The following ARHGAP22 variants were observed in gnomAD, a reference collection of about 807,000 sequenced individuals.
ARHGAP22 encodes the protein Rho GTPase activating protein 22, also known as rho GTPase-activating protein 22.
In ARHGAP22, 48 loss-of-function variants were observed where a neutral mutation model predicts 59.1. The ratio of observed to expected loss-of-function variants is 0.81; its 90% CI spans 0.64 to 1.03. The LOEUF (loss-of-function observed/expected upper bound fraction) is 1.03. Among genes scored for constraint, ARHGAP22 ranks in the 50% least tolerant of loss-of-function variants. ARHGAP22 has a pLI of 0.00. For missense variants in ARHGAP22, 1,015 were observed against 958.7 expected, an observed-to-expected ratio of 1.06 and a Z score of -0.78; for synonymous variants, 445 against 416.4, an observed-to-expected ratio of 1.07 and a Z score of -0.84.
At position 48,549,533 on chromosome 10, in the gene ARHGAP22, T is replaced by A. The variant is rs368362316; in HGVS notation, c.322+5930A>T. Reference sequence around the variant, plus strand: ...GGGGAACGCCTCTTTCCCGACCCTGTCCACATCAATTATCTGGGGTGGGAG... The same window carrying A: ...GGGGAACGCCTCTTTCCCGACCCTGACCACATCAATTATCTGGGGTGGGAG... On this transcript the variant is annotated intron_variant, in intron 3 of 9. Coordinates refer to ENST00000249601, the MANE Select transcript of ARHGAP22 (RefSeq NM_021226.4). 2.4e-4 allele frequency among the ~76,000 whole-genome samples: 37 copies of A among 152,246 alleles called. 1 individual carries two copies. In the South Asian group the frequency reaches 7.3e-3, roughly 30 times the overall value.
chr10:48,459,429 G>A (rs906209067), intron 5 of ARHGAP22, among the ~76,000 whole-genome samples: 15 of 152,336 alleles, frequency 9.8e-5, no homozygotes, highest in Admixed American at 2.0e-4. Context: ...TCCTGCCTGG[G>A]TCAGGTTTAT....
At chr10:48,589,550 C>T (rs2059628967) in intron 1 of ARHGAP22, among the ~76,000 whole-genome samples, 1 of 152,154 alleles carries the variant, frequency 6.6e-6, no homozygotes, top group Non-Finnish European at 1.5e-5. Flanking sequence ...ATGTCTCTCC[C>T]CAACCCACTT....
chr10:48,542,855 A>G (rs1172983349), intron 3 of ARHGAP22, among the ~76,000 whole-genome samples: 1 of 152,142 alleles, frequency 6.6e-6, no homozygotes, highest in African/African-American at 2.4e-5. Flanking sequence ...CTGTCGGAAG[A>G]GGAGCTGCCT....
chr10:48,654,606 T>C (rs1328714527), upstream of ARHGAP22, among the ~76,000 whole-genome samples: 3 of 151,736 alleles, frequency 2.0e-5, no homozygotes, highest in Non-Finnish European at 2.9e-5. Context: ...GGAGAAGGGG[T>C]TCAAAATACA....
intron 3 of ARHGAP22, among the ~76,000 whole-genome samples, chr10:48,480,599 C>G (rs571549365): frequency 5.9e-5 from 9 of 152,286 alleles, no homozygotes; most frequent in African/African-American, 7.2e-5. Context: ...TTTGCTGGAG[C>G]CTGTGACCCA....
exon 1 of ARHGAP22, chr10:48,652,466 G>T (rs768977458): frequency 6.5e-6 from 4 of 619,558 alleles, no homozygotes; most frequent in Admixed American, 2.9e-5. Context: ...AAGAAGCCTC[G>T]CTGTGAAGAA....
At chr10:48,580,740 G>A (rs2059060090) in intron 2 of ARHGAP22, among the ~76,000 whole-genome samples, 2 of 152,144 alleles carry the variant, frequency 1.3e-5, no homozygotes, top group Admixed American at 1.3e-4. Context: ...GTGGTGCCTA[G>A]CCTAGGAGTG....
intron 1 of ARHGAP22, among the ~76,000 whole-genome samples, chr10:48,645,840 G>A (rs1422548348): frequency 3.9e-5 from 6 of 152,064 alleles, no homozygotes; most frequent in Non-Finnish European, 7.4e-5. Context: ...AAAGAGGGTC[G>A]GGAGAGGGAA....
intron 3 of ARHGAP22, among the ~76,000 whole-genome samples, chr10:48,522,260 G>A (rs1302073288): frequency 6.6e-6 from 1 of 152,212 alleles, no homozygotes; most frequent in South Asian, 2.1e-4. Flanking sequence ...GAACCTTGTA[G>A]GCACTTCAGA....
chr10:48,638,045 G>T (rs749713798), intron 1 of ARHGAP22, among the ~76,000 whole-genome samples: 2 of 152,030 alleles, frequency 1.3e-5, no homozygotes, highest in Admixed American at 6.6e-5. Context: ...CCCTGCTCTG[G>T]TCTCTTCTCC....
At chr10:48,449,137 GTA>G in intron 9 of ARHGAP22, among the ~76,000 whole-genome samples, 1 of 152,328 alleles carries the variant, frequency 6.6e-6, no homozygotes, top group African/African-American at 2.4e-5. Flanking sequence ...CTTCTGTATG[GTA>G]AGAGTTCCCA....
At chr10:48,639,747 A>G (rs1447245554) in intron 1 of ARHGAP22, among the ~76,000 whole-genome samples, 1 of 152,238 alleles carries the variant, frequency 6.6e-6, no homozygotes, top group Non-Finnish European at 1.5e-5. Context: ...ATGTGAGAAA[A>G]TCAGAATTCA....
chr10:48,582,534 A>G (rs10745278), intron 2 of ARHGAP22, among the ~76,000 whole-genome samples: 149,402 of 152,240 alleles, frequency 0.98, 73,367 homozygotes, highest in Middle Eastern at 1. Flanking sequence ...AACCCTATGC[A>G]GGATGGGTGC....
intron 1 of ARHGAP22, among the ~76,000 whole-genome samples, chr10:48,617,617 A>C (rs914471779): frequency 5.9e-5 from 9 of 152,018 alleles, no homozygotes; most frequent in African/African-American, 2.2e-4. Flanking sequence ...GGATTGATAA[A>C]GACATTTAAA....
chr10:48,648,849 G>A (rs375062840), intron 1 of ARHGAP22, among the ~76,000 whole-genome samples: 100 of 152,320 alleles, frequency 6.6e-4, no homozygotes, highest in African/African-American at 2.3e-3. Context: ...GCAGGCAGCC[G>A]ACAGAGGTAA....
the ARHGAP22 span, chr10:48,439,413 G>GA: frequency 2.0e-5 from 3 of 151,580 alleles, no homozygotes; most frequent in African/African-American, 7.3e-5. Flanking sequence ...GTTTTTCTTG[G>GA]CAATTTTAGG....
chr10:48,593,996 A>C (rs1245609076), intron 1 of ARHGAP22, among the ~76,000 whole-genome samples: 1 of 152,240 alleles, frequency 6.6e-6, no homozygotes, highest in Non-Finnish European at 1.5e-5. Flanking sequence ...TATAAATTAC[A>C]ATTAAAAGTT....
At chr10:48,460,454 G>T (rs1294825758) in intron 4 of ARHGAP22, among the ~76,000 whole-genome samples, 1 of 152,174 alleles carries the variant, frequency 6.6e-6, no homozygotes, top group Non-Finnish European at 1.5e-5. Context: ...CACTAGGATG[G>T]CTACTATCAA....
intron 2 of ARHGAP22, among the ~76,000 whole-genome samples, chr10:48,569,681 C>T (rs1461535600): frequency 6.6e-6 from 1 of 152,188 alleles, no homozygotes; most frequent in Non-Finnish European, 1.5e-5. Flanking sequence ...AATATCCATG[C>T]TGACTTAAAT....
Sources: gnomAD v4.1 joint callset for allele counts (sites outside exome capture counted in the v4.1 genomes callset) on GRCh38, gnomAD v4.1.1 for gene constraint, MANE v1.5 for transcripts, NCBI Gene and HGNC (gene_info 2026-07-23, HGNC 2026-07-21) for gene names.